PCDH7: variants seen among roughly 807,000 people sequenced by gnomAD.
PCDH7 encodes the protein protocadherin 7.
A neutral mutation model predicts 58.9 loss-of-function variants in PCDH7; 17 were observed. That is an observed-to-expected ratio of 0.29 (90% confidence interval 0.20 to 0.43). The LOEUF (loss-of-function observed/expected upper bound fraction) is 0.43, where lower values mean the gene tolerates loss of function less well. Among genes scored for constraint, PCDH7 ranks in the 20% least tolerant of loss-of-function variants. PCDH7 has a pLI of 1.00. For missense variants in PCDH7, 1,274 were observed against 1,441.0 expected, an observed-to-expected ratio of 0.88 and a Z score of 1.88; for synonymous variants, 664 against 616.4, an observed-to-expected ratio of 1.08 and a Z score of -1.14.
At chr4:31,129,573 T>G (rs1270064263) in intron 3 of PCDH7, among the ~76,000 whole-genome samples, 1 of 152,100 alleles carries the variant, frequency 6.6e-6, no homozygotes, top group Non-Finnish European at 1.5e-5. Context: ...GGAACAGACT[T>G]GTTATTCTAC....
intron 1 of PCDH7, among the ~76,000 whole-genome samples, chr4:30,742,986 C>A (rs1239207129): frequency 6.6e-6 from 1 of 152,092 alleles, no homozygotes; most frequent in Non-Finnish European, 1.5e-5. Context: ...CTCTTTATCT[C>A]TGTTCTTTAA....
intron 1 of PCDH7, among the ~76,000 whole-genome samples, chr4:30,744,090 T>A (rs1717443822): frequency 6.6e-6 from 1 of 152,270 alleles, no homozygotes; most frequent in Admixed American, 6.5e-5. Flanking sequence ...CTCAGTGGCA[T>A]CCTGTAAGCT....
intron 1 of PCDH7, among the ~76,000 whole-genome samples, chr4:30,859,659 C>T (rs541230787): frequency 6.6e-6 from 1 of 152,050 alleles, no homozygotes; most frequent in East Asian, 1.9e-4. Flanking sequence ...AGGCTGGTCT[C>T]GAACTCCTGA....
intron 1 of PCDH7, among the ~76,000 whole-genome samples, chr4:30,853,641 T>C (rs1733073990): frequency 6.6e-6 from 1 of 152,162 alleles, no homozygotes; most frequent in Admixed American, 6.6e-5. Flanking sequence ...TGGGAAGTCA[T>C]TTGAAGCTAT....
chr4:30,865,413 A>G (rs1734754493), intron 1 of PCDH7, among the ~76,000 whole-genome samples: 1 of 152,058 alleles, frequency 6.6e-6, no homozygotes, highest in African/African-American at 2.4e-5. Flanking sequence ...AAATCCTGGA[A>G]GTAGTGAGTT....
At chr4:31,063,760 A>C (rs1212176045) in intron 3 of PCDH7, among the ~76,000 whole-genome samples, 2 of 151,948 alleles carry the variant, frequency 1.3e-5, no homozygotes, top group African/African-American at 4.8e-5. Flanking sequence ...ATGGTCTCTA[A>C]GATTGAATGA....
Position 30,791,163 on chromosome 4 carries a change from A to G in PCDH7, c.70+66567A>G, listed in dbSNP as rs551374010. On this transcript the variant is annotated intron_variant, in intron 1 of 3. Transcript: ENST00000509759. ...TTGAACAGGGAGCGTTCACAGCCTAATGGGGTCACAGCCAACCATGCAGGC... is the reference window on the plus strand; with the variant it reads ...TTGAACAGGGAGCGTTCACAGCCTAGTGGGGTCACAGCCAACCATGCAGGC... Among the ~76,000 whole-genome samples, 22 of 152,210 alleles carry G rather than the reference A, an allele frequency of 1.4e-4. No homozygotes were observed. The East Asian group carries it at 3.7e-3, about 25-fold the overall frequency.
chr4:31,045,661 C>T (rs545883568), intron 3 of PCDH7, among the ~76,000 whole-genome samples: 13 of 152,084 alleles, frequency 8.5e-5, no homozygotes, highest in Admixed American at 6.6e-4. Flanking sequence ...ATTGATAACA[C>T]TTTTCATAAA....
intron 1 of PCDH7, among the ~76,000 whole-genome samples, chr4:30,802,282 G>A (rs1265113437): frequency 7.8e-6 from 1 of 127,510 alleles, no homozygotes; most frequent in Non-Finnish European, 1.6e-5. Flanking sequence ...CATCAGTATG[G>A]TAGCCAGGCA....
chr4:31,081,364 T>C (rs1438392261), intron 3 of PCDH7, among the ~76,000 whole-genome samples: 1 of 152,206 alleles, frequency 6.6e-6, no homozygotes, highest in Non-Finnish European at 1.5e-5. Flanking sequence ...TACTACTTAG[T>C]TTTTCTATTC....
intron 1 of PCDH7, among the ~76,000 whole-genome samples, chr4:30,786,342 C>T (rs1215277293): frequency 1.3e-5 from 2 of 151,964 alleles, no homozygotes; most frequent in African/African-American, 2.4e-5. Context: ...AACAAAGTTA[C>T]CATTTCATTC....
At chr4:30,730,204 T>C (rs2109236423) in intron 1 of PCDH7, among the ~76,000 whole-genome samples, 1 of 152,124 alleles carries the variant, frequency 6.6e-6, no homozygotes, top group Admixed American at 6.5e-5. Context: ...TTCTAGACTA[T>C]GGCAAGGTTT....
chr4:30,899,674 T>C (rs546137222), intron 1 of PCDH7, among the ~76,000 whole-genome samples: 2 of 152,324 alleles, frequency 1.3e-5, no homozygotes, highest in South Asian at 2.1e-4. Flanking sequence ...TTAATTTTCC[T>C]CACTATCCTT....
At chr4:30,935,191 GTTAT>G (rs1304844498) in intron 2 of PCDH7, 2 of 183,260 alleles carry the variant, frequency 1.1e-5, no homozygotes, top group African/African-American at 4.8e-5. Context: ...ACTATATTGA[GTTAT>G]TTATAGATAC....
chr4:30,966,533 G>A (rs945597233), intron 3 of PCDH7, among the ~76,000 whole-genome samples: 4 of 152,108 alleles, frequency 2.6e-5, no homozygotes, highest in South Asian at 2.1e-4. Context: ...GGGTATGAAA[G>A]TAAAGGAAGA....
chr4:31,068,606 C>T (rs1021953943), intron 3 of PCDH7, among the ~76,000 whole-genome samples: 3 of 151,942 alleles, frequency 2.0e-5, no homozygotes, highest in African/African-American at 4.8e-5. Context: ...TCTATAATAA[C>T]CCAGCAAGGT....
chr4:31,000,623 G>A (rs78931953), intron 3 of PCDH7, among the ~76,000 whole-genome samples: 4,984 of 151,930 alleles, frequency 0.033, 289 homozygotes, highest in African/African-American at 0.11. Flanking sequence ...CCCATTCATC[G>A]CTTTCTTTAT....
At chr4:30,928,038 C>T (rs571025146) in intron 2 of PCDH7, among the ~76,000 whole-genome samples, 1 of 152,230 alleles carries the variant, frequency 6.6e-6, no homozygotes, top group Non-Finnish European at 1.5e-5. Context: ...TGCAGTGGCA[C>T]ATTCTTGGCT....
chr4:30,759,087 G>A (rs2109266703), intron 1 of PCDH7, among the ~76,000 whole-genome samples: 1 of 151,766 alleles, frequency 6.6e-6, no homozygotes, highest in East Asian at 2.0e-4. Flanking sequence ...GATTACAGGT[G>A]CCCGCCATGA....
Sources: allele counts gnomAD v4.1 joint callset (sites outside exome capture counted in the v4.1 genomes callset), GRCh38; gene constraint gnomAD v4.1.1; transcripts MANE v1.5; gene names NCBI Gene and HGNC (gene_info 2026-07-23, HGNC 2026-07-21).